Variants in MEOX2 observed in about 807,000 individuals in gnomAD.
MEOX2 encodes the protein mesenchyme homeobox 2.
A neutral mutation model predicts 27.0 loss-of-function variants in MEOX2; 11 were observed. The ratio of observed to expected loss-of-function variants is 0.41; its 90% CI spans 0.26 to 0.68. MEOX2 has a LOEUF of 0.68. Among genes scored for constraint, MEOX2 ranks in the 30% least tolerant of loss-of-function variants. MEOX2 has a pLI of 0.33. For synonymous variants in MEOX2, 189 were observed against 155.4 expected, an observed-to-expected ratio of 1.22 and a Z score of -1.61; for missense variants, 436 against 385.4, an observed-to-expected ratio of 1.13 and a Z score of -1.10.
chr7:15,648,450 T>G (rs1781683627), intron 1 of MEOX2, among the ~76,000 whole-genome samples: 1 of 152,088 alleles, frequency 6.6e-6, no homozygotes, highest in African/African-American at 2.4e-5. Flanking sequence ...AGATTGTATC[T>G]GGAAAGTTTA....
intron 1 of MEOX2, chr7:15,678,884 G>T (rs576895211): frequency 1.3e-4 from 20 of 152,168 alleles, no homozygotes; most frequent in Non-Finnish European, 2.9e-4. Context: ...AGTCACGTAA[G>T]ATAACTGCGA....
intron 1 of MEOX2, among the ~76,000 whole-genome samples, chr7:15,638,037 T>A (rs2115368483): frequency 6.6e-6 from 1 of 152,250 alleles, no homozygotes; most frequent in Admixed American, 6.5e-5. Flanking sequence ...TTTGAATCAT[T>A]TAACTTTCAT....
chr7:15,643,125 T>A (rs577591103), intron 1 of MEOX2, among the ~76,000 whole-genome samples: 8 of 152,316 alleles, frequency 5.3e-5, no homozygotes, highest in African/African-American at 1.9e-4. Flanking sequence ...CCTACAATCA[T>A]GCCAGAAGTT....
chr7:15,650,737 T>G (rs1182056594), intron 1 of MEOX2, among the ~76,000 whole-genome samples: 1 of 152,108 alleles, frequency 6.6e-6, no homozygotes, highest in Non-Finnish European at 1.5e-5. Flanking sequence ...CTTTTAAAAT[T>G]TTGAATTATA....
intron 2 of MEOX2, among the ~76,000 whole-genome samples, chr7:15,618,560 G>C: frequency 6.6e-6 from 1 of 151,970 alleles, no homozygotes; most frequent in Non-Finnish European, 1.5e-5. Flanking sequence ...TTGGCTAACA[G>C]CTTCTAAGTA....
intron 2 of MEOX2, among the ~76,000 whole-genome samples, chr7:15,623,070 A>C (rs1781245416): frequency 6.6e-6 from 1 of 152,184 alleles, no homozygotes; most frequent in Non-Finnish European, 1.5e-5. Context: ...CACCCAGTCT[A>C]TGGTATTTCA....
chr7:15,672,561 A>G (rs1015297560), intron 1 of MEOX2, among the ~76,000 whole-genome samples: 6 of 152,232 alleles, frequency 3.9e-5, no homozygotes, highest in African/African-American at 1.4e-4. Context: ...TAGCAAATAT[A>G]TCACATACAA....
At chr7:15,665,658 A>T (rs893856832) in intron 1 of MEOX2, among the ~76,000 whole-genome samples, 2 of 152,220 alleles carry the variant, frequency 1.3e-5, no homozygotes, top group African/African-American at 4.8e-5. Context: ...TAAGAATTAC[A>T]TCCCTTTTAG....
chr7:15,616,941 C>T (rs1442809768), intron 2 of MEOX2, among the ~76,000 whole-genome samples: 1 of 151,994 alleles, frequency 6.6e-6, no homozygotes, highest in Non-Finnish European at 1.5e-5. Context: ...ACTTATTTGG[C>T]CATCACATTA....
chr7:15,651,696 G>A (rs1321707284), intron 1 of MEOX2, among the ~76,000 whole-genome samples: 1 of 151,936 alleles, frequency 6.6e-6, no homozygotes, highest in East Asian at 1.9e-4. Flanking sequence ...CTTGATCAGT[G>A]CTCAAGAGCC....
chr7:15,685,871 C>T lies in MEOX2; in HGVS notation c.517+15G>A. On this transcript the variant is annotated intron_variant, in intron 1 of 2. Transcript: ENST00000262041. The stretch of plus-strand genomic sequence containing the variant: ...GCCCGGCGCGCACTCTCGAGGGTGC[C>T]TGGCGCGCCCTTACCTGAGCTGTCG... The T allele has an allele frequency of 6.4e-7, 1 of 1,570,432 alleles. No individual in the cohort carries two copies. The highest frequency in any genetic ancestry group is 8.6e-7 in the Non-Finnish European group (1 of 1,160,210).
intron 1 of MEOX2, among the ~76,000 whole-genome samples, chr7:15,642,307 T>G (rs1411084972): frequency 6.6e-6 from 1 of 152,180 alleles, no homozygotes; most frequent in Non-Finnish European, 1.5e-5. Flanking sequence ...TTTGTTCATT[T>G]TTTAAAATTA....
intron 2 of MEOX2, among the ~76,000 whole-genome samples, chr7:15,619,700 G>T (rs956914990): frequency 2.6e-5 from 4 of 151,826 alleles, no homozygotes; most frequent in Middle Eastern, 3.2e-3. Context: ...CTATACATAT[G>T]TCTACCTATC....
Position 15,626,829 on chromosome 7 carries a change from C to T in MEOX2, c.607G>A (p.Glu203Lys), listed in dbSNP as rs1171435810. ...TAATTATGATGGGCAAATTCTGCTT[C>T]AAGTTCTCTGATTTGCTCTTTGGTA... is the stretch of plus-strand genomic sequence containing the variant. Reference protein sequence around the residue: ...AFTKEQIRELEAEFAHHNYLT... With the variant: ...AFTKEQIRELKAEFAHHNYLT... Residue 203 changes from glutamate (E) to lysine (K), a missense_variant, in exon 2 of 3, where the codon GAA becomes AAA. Coordinates refer to ENST00000262041, the MANE Select transcript of MEOX2 (RefSeq NM_005924.5). The T allele has an allele frequency of 6.2e-7, 1 of 1,611,392 alleles. No homozygotes were observed. The highest frequency in any genetic ancestry group is 1.1e-5 in the South Asian group (1 of 90,934).
intron 1 of MEOX2, among the ~76,000 whole-genome samples, chr7:15,683,593 A>G (rs988086315): frequency 1.9e-4 from 29 of 152,060 alleles, no homozygotes; most frequent in African/African-American, 5.3e-4. Flanking sequence ...AATTTATGGA[A>G]CACCTAATGC....
At chr7:15,616,443 AT>A (rs1263934319) in intron 2 of MEOX2, among the ~76,000 whole-genome samples, 2 of 151,658 alleles carry the variant, frequency 1.3e-5, no homozygotes, top group Non-Finnish European at 3.0e-5. Flanking sequence ...GGTATTAGCA[AT>A]CCCCCCAACA....
chr7:15,657,025 G>A (rs1278478343), intron 1 of MEOX2, among the ~76,000 whole-genome samples: 2 of 151,920 alleles, frequency 1.3e-5, no homozygotes, highest in Non-Finnish European at 2.9e-5. Context: ...ACTTCTTTCT[G>A]ACCTCCATGG....
chr7:15,652,980 GAAAT>G (rs948811886), intron 1 of MEOX2, among the ~76,000 whole-genome samples: 1 of 151,950 alleles, frequency 6.6e-6, no homozygotes, highest in Non-Finnish European at 1.5e-5. Flanking sequence ...TCATCTCTCT[GAAAT>G]AAATACTCAA....
Position 15,686,252 on chromosome 7 carries a change from C to A in MEOX2, c.151G>T (p.Ala51Ser), listed in dbSNP as rs1277698229. The A allele has an allele frequency of 5.0e-6, 8 of 1,612,618 alleles. No homozygotes were observed. Among genetic ancestry groups the A allele is most frequent in the Non-Finnish European group, 6.8e-6 (8 of 1,179,486 alleles). ...ATGCCCTCTTCGTTGGGGTATCCCG[C>A]GATTATGCAAGATGAGGAAGAAGTA... ...LSTSSSSCII[A>S]GYPNEEGMFA... Residue 51 changes from alanine (A) to serine (S), a missense_variant, in exon 1 of 3, where the codon GCG (alanine) becomes TCG (serine). Physicochemically the swap from Ala to Ser is moderately conservative, Grantham distance 99. Coordinates refer to ENST00000262041, the MANE Select transcript of MEOX2 (RefSeq NM_005924.5).
Sources: gnomAD v4.1 joint callset for allele counts (sites outside exome capture counted in the v4.1 genomes callset) on GRCh38, gnomAD v4.1.1 for gene constraint, MANE v1.5 for transcripts, NCBI Gene and HGNC (gene_info 2026-07-23, HGNC 2026-07-21) for gene names.